ARHGAP25: variants seen among roughly 807,000 people sequenced by gnomAD.
ARHGAP25 encodes Rho GTPase activating protein 25, also known as rho GTPase-activating protein 25.
ARHGAP25 carries 34 observed loss-of-function variants against 71.0 expected under a neutral mutation model. The observed-to-expected ratio is 0.48, with a 90% CI of 0.36 to 0.64. ARHGAP25 has a LOEUF of 0.64. ARHGAP25 is among the 30% of genes least tolerant of loss of function. ARHGAP25 has a pLI of 0.00. For synonymous variants in ARHGAP25, 282 were observed against 296.5 expected (o/e 0.95, Z 0.50); for missense variants, 706 against 805.1 (o/e 0.88, Z 1.49).
At chr2:68,805,010 C>T (rs559248957) in intron 4 of ARHGAP25, among the ~76,000 whole-genome samples, 8 of 152,090 alleles carry the variant, frequency 5.3e-5, no homozygotes, top group Non-Finnish European at 8.8e-5. Context: ...AGAAACAATA[C>T]GGTGCACAGA....
At position 68,813,435 on chromosome 2, in the gene ARHGAP25, T is replaced by A; in HGVS notation, c.807+16T>A. On this transcript the variant is annotated intron_variant, in intron 6 of 10. Transcript: ENST00000409202. ...TGAGGCAAAGGTTTGCATCTTAGAG[T>A]TAGTTGTCCTGCCTTAGAAGAAAGT... The A allele has an allele frequency of 6.2e-7, 1 of 1,608,974 alleles. No homozygotes were observed. The highest frequency in any genetic ancestry group is 8.5e-7 in the Non-Finnish European group (1 of 1,178,210).
rs1221332110 is a variant in ARHGAP25, at chr2:68,775,344, A to G, written c.185A>G (p.Asn62Ser). ...AAGAAGCAGAGGTCCATCGTGAAGA[A>G]CTGGCAGCAGAGGTACTTTGTGCTG... ...WLKKQRSIVK[N>S]WQQRYFVLRA... Residue 62 changes from asparagine (N) to serine (S), a missense_variant, in exon 2 of 11, where the codon AAC (asparagine) becomes AGC (serine). By Grantham distance (46) the Asn-to-Ser change is conservative. Coordinates refer to ENST00000409202, the MANE Select transcript of ARHGAP25 (RefSeq NM_001007231.3). 6.2e-7 allele frequency: 1 copy of G among 1,614,240 alleles called. No individual in the cohort carries two copies. The highest frequency in any genetic ancestry group is 1.1e-5 in the South Asian group (1 of 91,084).
intron 3 of ARHGAP25, among the ~76,000 whole-genome samples, chr2:68,786,967 A>G (rs1678799151): frequency 6.6e-6 from 1 of 152,178 alleles, no homozygotes; most frequent in Non-Finnish European, 1.5e-5. Context: ...GAAAATACCA[A>G]CTTTGAGGAT....
In ARHGAP25 at chr2:68,822,400, G is replaced by C. The variant is rs941277487; in HGVS notation, c.1261G>C (p.Asp421His). 10 of 1,614,132 alleles carry C rather than the reference G, an allele frequency of 6.2e-6. No individual in the cohort carries two copies. The Admixed American group carries it at 1.7e-4, about 27-fold the overall frequency. The change falls in exon 10 of 11, where the codon GAC becomes CAC. Residue 421 changes from aspartate to histidine, a missense_variant. Physicochemically the swap from Asp to His is moderately conservative, Grantham distance 81. Coordinates refer to ENST00000409202, the MANE Select transcript of ARHGAP25 (RefSeq NM_001007231.3). ...GCAGCCGAGCGATGCGTTTCCGGAG[G>C]ACAGCAGCAAAGTACCCAGGGAAAA... ...GQQPSDAFPE[D>H]SSKVPREKPG...
chr2:68,721,916 C>A (rs7596236), intron 2 of ARHGAP25, among the ~76,000 whole-genome samples: 32,755 of 152,158 alleles, frequency 0.22, 3,845 homozygotes, highest in East Asian at 0.37. Context: ...CTTCCTCTCA[C>A]CCAGTGTGTC....
At chr2:68,815,544 G>A (rs112830420) in intron 6 of ARHGAP25, among the ~76,000 whole-genome samples, 2 of 143,400 alleles carry the variant, frequency 1.4e-5, no homozygotes, top group African/African-American at 2.6e-5. Context: ...TCCGCCTTCC[G>A]GTTTCAAGCG....
At chr2:68,738,771 C>T (rs113053614) in intron 1 of ARHGAP25, among the ~76,000 whole-genome samples, 1,844 of 149,550 alleles carry the variant, frequency 0.012, 37 homozygotes, top group African/African-American at 0.043. Flanking sequence ...TAGTGAGCCA[C>T]GATCATGCCA....
chr2:68,794,546 T>C (rs1679405586), intron 4 of ARHGAP25, among the ~76,000 whole-genome samples: 1 of 152,200 alleles, frequency 6.6e-6, no homozygotes, highest in Non-Finnish European at 1.5e-5. Flanking sequence ...TTTGCCTTAA[T>C]TCTGTTTGTG....
intron 2 of ARHGAP25, among the ~76,000 whole-genome samples, chr2:68,777,469 G>A (rs1177988425): frequency 6.6e-6 from 1 of 152,172 alleles, no homozygotes; most frequent in African/African-American, 2.4e-5. Context: ...ATAAACTAAT[G>A]TCAAAGGGTA....
At chr2:68,787,448 C>G (rs1218904672) in intron 3 of ARHGAP25, among the ~76,000 whole-genome samples, 2 of 152,202 alleles carry the variant, frequency 1.3e-5, no homozygotes, top group African/African-American at 4.8e-5. Flanking sequence ...TCAGGACTAG[C>G]TTAGGAAAGT....
At chr2:68,727,848 A>T (rs1005330632) in intron 2 of ARHGAP25, among the ~76,000 whole-genome samples, 2 of 152,254 alleles carry the variant, frequency 1.3e-5, no homozygotes, top group African/African-American at 4.8e-5. Context: ...ATGGAGAAGG[A>T]GAGGGAGAGA....
At chr2:68,775,543 A>C (rs1242700032) in intron 2 of ARHGAP25, 123 bp downstream of exon 2, 3 of 1,455,380 alleles carry the variant, frequency 2.1e-6, no homozygotes, top group African/African-American at 1.4e-5. Flanking sequence ...ATTGGAAAGG[A>C]AATTGCTTTT....
intron 1 of ARHGAP25, among the ~76,000 whole-genome samples, chr2:68,772,827 C>G (rs1211109312): frequency 6.6e-6 from 1 of 152,202 alleles, no homozygotes; most frequent in Non-Finnish European, 1.5e-5. Context: ...AGCAAGATCT[C>G]AGATAAAGTT....
chr2:68,733,933 T>C (rs1675093669), upstream of ARHGAP25, among the ~76,000 whole-genome samples: 1 of 152,160 alleles, frequency 6.6e-6, no homozygotes, highest in African/African-American at 2.4e-5. Flanking sequence ...CAGATAAGAA[T>C]TGAAGCACAA....
At chr2:68,717,273 T>C (rs954440526) in intron 2 of ARHGAP25, among the ~76,000 whole-genome samples, 5 of 152,204 alleles carry the variant, frequency 3.3e-5, no homozygotes, top group African/African-American at 1.2e-4. Flanking sequence ...ATATGGGATC[T>C]GTCATCAACA....
chr2:68,790,470 C>T (rs1679093529), intron 4 of ARHGAP25, among the ~76,000 whole-genome samples: 1 of 152,168 alleles, frequency 6.6e-6, no homozygotes, highest in Admixed American at 6.5e-5. Flanking sequence ...AGGTGAGGGG[C>T]AGGGCCAGGG....
chr2:68,728,586 A>C (rs951172239), intron 2 of ARHGAP25, among the ~76,000 whole-genome samples: 3 of 152,150 alleles, frequency 2.0e-5, no homozygotes, highest in African/African-American at 4.8e-5. Flanking sequence ...TGTCAGGGGA[A>C]GATAATAGTT....
rs141703790 is a variant in ARHGAP25 at position 68,768,421 on chromosome 2, A to G, written c.62-6800A>G. 2.0e-3 allele frequency among the ~76,000 whole-genome samples: 308 copies of G among 152,324 alleles called. 3 individuals carry two copies. The Middle Eastern group carries it at 0.051, about 25-fold the overall frequency. ...ACAAAATGCCTGCATGGTGGCTCACATTTCGTTCTAAAACATTTATTTTAT... is the reference window on the plus strand; with the variant it reads ...ACAAAATGCCTGCATGGTGGCTCACGTTTCGTTCTAAAACATTTATTTTAT... On this transcript the variant is annotated intron_variant, in intron 1 of 10. Coordinates refer to ENST00000409202, the MANE Select transcript of ARHGAP25 (RefSeq NM_001007231.3).
intron 1 of ARHGAP25, among the ~76,000 whole-genome samples, chr2:68,743,479 T>A (rs956708690): frequency 6.6e-5 from 10 of 152,222 alleles, no homozygotes; most frequent in Non-Finnish European, 1.0e-4. Flanking sequence ...TTTCTTGTCC[T>A]CAATTCTGCT....
Sources: allele counts gnomAD v4.1 joint callset (sites outside exome capture counted in the v4.1 genomes callset), GRCh38; gene constraint gnomAD v4.1.1; transcripts MANE v1.5; gene names NCBI Gene and HGNC (gene_info 2026-07-23, HGNC 2026-07-21).